Variants in XRCC4 observed in about 807,000 individuals in gnomAD.
XRCC4 encodes X-ray repair cross complementing 4.
In XRCC4, 28 loss-of-function variants were observed where a neutral mutation model predicts 39.1. The observed-to-expected ratio is 0.72, with a 90% CI of 0.53 to 0.98. XRCC4 has a LOEUF of 0.98. Ranked by LOEUF, XRCC4 falls within the 50% of genes least tolerant of loss-of-function variation. The probability of loss-of-function intolerance (pLI) is 0.00; values close to 1 mark genes in which losing one functional copy is unlikely to be tolerated. For synonymous variants in XRCC4, 123 were observed against 126.4 expected, an observed-to-expected ratio of 0.97 and a Z score of 0.18; for missense variants, 350 against 376.4, an observed-to-expected ratio of 0.93 and a Z score of 0.58.
chr5:83,170,241 A>T (rs1275803457), intron 3 of XRCC4, among the ~76,000 whole-genome samples: 2 of 152,138 alleles, frequency 1.3e-5, no homozygotes, highest in Non-Finnish European at 2.9e-5. Flanking sequence ...GCTTACTCTA[A>T]AAAAACCTAG....
intron 6 of XRCC4, among the ~76,000 whole-genome samples, chr5:83,248,841 C>T (rs1166747772): frequency 6.6e-6 from 1 of 151,936 alleles, no homozygotes; most frequent in Non-Finnish European, 1.5e-5. Flanking sequence ...AAAAACCTTA[C>T]GAGATTTTTG....
At position 83,353,405 on chromosome 5, in the gene XRCC4, A is replaced by G. The variant is rs1757143043; in HGVS notation, c.*163A>G. 3.8e-6 allele frequency: 2 copies of G among 521,524 alleles called. No individual in the cohort carries two copies. Among genetic ancestry groups the G allele is most frequent in the Non-Finnish European group, 6.8e-6 (2 of 294,108 alleles). The allele number at this position is 521,524 out of a possible 1,614,324, so 32.3% of individuals were successfully genotyped here. On this transcript the variant is annotated 3_prime_UTR_variant, in exon 8 of 8. Transcript: ENST00000396027. ...ATTGTGCAAAATGGATTACACATGTATACAAAGATACGATTTGATGATGAC... is the reference window on the plus strand; with the variant it reads ...ATTGTGCAAAATGGATTACACATGTGTACAAAGATACGATTTGATGATGAC...
At chr5:83,338,224 G>A (rs1382306600) in intron 7 of XRCC4, among the ~76,000 whole-genome samples, 3 of 152,170 alleles carry the variant, frequency 2.0e-5, no homozygotes, top group Non-Finnish European at 4.4e-5. Flanking sequence ...TAATCAATTT[G>A]CCTTGTAGAA....
intron 7 of XRCC4, among the ~76,000 whole-genome samples, chr5:83,275,319 G>T (rs1404010433): frequency 6.7e-6 from 1 of 150,160 alleles, no homozygotes; most frequent in Non-Finnish European, 1.5e-5. Context: ...TTTTGAGACG[G>T]AGTCTCGCTC....
intron 2 of XRCC4, among the ~76,000 whole-genome samples, chr5:83,107,504 A>T (rs1017901447): frequency 6.6e-6 from 1 of 151,834 alleles, no homozygotes; most frequent in South Asian, 2.1e-4. Context: ...CACTAAACTC[A>T]CTGATTTCCA....
intron 3 of XRCC4, among the ~76,000 whole-genome samples, chr5:83,152,632 C>CAAAAAAAAAAAAAAAAAAAAA: frequency 8.9e-6 from 1 of 112,340 alleles, no homozygotes. Context: ...GATCCTGTCT[C>CAAAAAAAAAAAAAAAAAAAAA]AAAAAAAAAA....
At chr5:83,161,349 C>A (rs1406301211) in intron 3 of XRCC4, among the ~76,000 whole-genome samples, 1 of 152,010 alleles carries the variant, frequency 6.6e-6, no homozygotes, top group Non-Finnish European at 1.5e-5. Flanking sequence ...CCAGGCTGTT[C>A]GTGAACTCCT....
At chr5:83,148,347 C>T (rs1015116398) in intron 3 of XRCC4, among the ~76,000 whole-genome samples, 1 of 152,084 alleles carries the variant, frequency 6.6e-6, no homozygotes, top group African/African-American at 2.4e-5. Flanking sequence ...TAATTTGATA[C>T]TTTAACATAG....
chr5:83,124,976 T>C (rs1164092495), intron 3 of XRCC4, among the ~76,000 whole-genome samples: 1 of 152,200 alleles, frequency 6.6e-6, no homozygotes, highest in East Asian at 1.9e-4. Context: ...ATATATAAGA[T>C]CTACATTCTT....
the XRCC4 span, among the ~76,000 whole-genome samples, chr5:83,362,254 A>G: frequency 6.8e-6 from 1 of 147,764 alleles, no homozygotes; most frequent in African/African-American, 2.5e-5. Flanking sequence ...GAAGCGAAGA[A>G]TTTTAGAGGA....
chr5:83,235,334 C>CAAAAAAAA (rs57372204), intron 6 of XRCC4, among the ~76,000 whole-genome samples: 2 of 58,610 alleles, frequency 3.4e-5, no homozygotes, highest in African/African-American at 5.0e-5. Flanking sequence ...GACCCTATCT[C>CAAAAAAAA]AAAAAAAAAA....
chr5:83,364,047 T>C, the XRCC4 span, among the ~76,000 whole-genome samples: 10 of 152,126 alleles, frequency 6.6e-5, no homozygotes, highest in African/African-American at 2.2e-4. Flanking sequence ...TTCAATACAC[T>C]GGTACCATTC....
chr5:83,198,160 TG>T (rs1435249558), intron 4 of XRCC4, among the ~76,000 whole-genome samples: 1 of 152,112 alleles, frequency 6.6e-6, no homozygotes, highest in Non-Finnish European at 1.5e-5. Flanking sequence ...TCATTAGAGT[TG>T]GGGCCATGAT....
At chr5:83,250,616 G>A (rs1753270848) in intron 6 of XRCC4, among the ~76,000 whole-genome samples, 1 of 152,168 alleles carries the variant, frequency 6.6e-6, no homozygotes, top group South Asian at 2.1e-4. Context: ...ACCCAAAAAG[G>A]TGGTTGTATA....
chr5:83,197,069 ATTTTG>A (rs1750982580), intron 4 of XRCC4, among the ~76,000 whole-genome samples: 1 of 151,496 alleles, frequency 6.6e-6, no homozygotes, highest in Admixed American at 6.6e-5. Context: ...GAAAGTGGTT[ATTTTG>A]TTCTATCTTA....
chr5:83,158,392 T>A (rs571192009), intron 3 of XRCC4, among the ~76,000 whole-genome samples: 103 of 152,270 alleles, frequency 6.8e-4, no homozygotes, highest in African/African-American at 2.4e-3. Context: ...AAAGAATCAT[T>A]GTCTATATTC....
At chr5:83,347,773 A>G (rs1295318278) in intron 7 of XRCC4, among the ~76,000 whole-genome samples, 2 of 152,194 alleles carry the variant, frequency 1.3e-5, no homozygotes, top group South Asian at 2.1e-4. Context: ...TGTTAACTCA[A>G]AAGTTCAAGT....
intron 7 of XRCC4, among the ~76,000 whole-genome samples, chr5:83,333,117 A>C (rs1176796029): frequency 6.1e-5 from 9 of 148,752 alleles, no homozygotes; most frequent in Non-Finnish European, 1.3e-4. Context: ...ATTGAACTTG[A>C]AAAAAAAAAT....
Position 83,195,752 on chromosome 5 carries a change from G to T in XRCC4, c.316-18G>T. Reference sequence around the variant, plus strand: ...TTGATATTTTCCCCAAATTAACCATGTTTTTCTTTCATTTTAGTTCAGACT... The same window carrying T: ...TTGATATTTTCCCCAAATTAACCATTTTTTTCTTTCATTTTAGTTCAGACT... On this transcript the variant is annotated intron_variant, in intron 3 of 7. Transcript: ENST00000396027. The T allele has an allele frequency of 6.5e-7, 1 of 1,534,676 alleles. No individual in the cohort carries two copies. The highest frequency in any genetic ancestry group is 8.8e-7 in the Non-Finnish European group (1 of 1,139,722).
Sources: gnomAD v4.1 joint callset for allele counts (sites outside exome capture counted in the v4.1 genomes callset) on GRCh38, gnomAD v4.1.1 for gene constraint, MANE v1.5 for transcripts, NCBI Gene and HGNC (gene_info 2026-07-23, HGNC 2026-07-21) for gene names.